RADIL: variants seen among roughly 807,000 people sequenced by gnomAD.
RADIL encodes ras-associating and dilute domain-containing protein.
In RADIL, 99 loss-of-function variants were observed where a neutral mutation model predicts 97.6. The ratio of observed to expected loss-of-function variants is 1.01; its 90% CI spans 0.86 to 1.20. The LOEUF is 1.20. Ranked by LOEUF, RADIL falls within the 50% of genes most tolerant of loss-of-function variation. The probability of loss-of-function intolerance (pLI) is 0.00; values close to 1 mark genes in which losing one functional copy is unlikely to be tolerated. For missense variants in RADIL, 1,765 were observed against 1,498.9 expected (o/e 1.18, Z -2.93); for synonymous variants, 803 against 691.8 (o/e 1.16, Z -2.52).
Position 4,842,379 on chromosome 7 carries a change from A to C in RADIL, c.536-5774T>G, listed in dbSNP as rs6958439. Among the ~76,000 whole-genome samples, 1 of 151,948 alleles carries C rather than the reference A, an allele frequency of 6.6e-6. No individual in the cohort carries two copies. Among genetic ancestry groups the C allele is most frequent in the African/African-American group, 2.4e-5 (1 of 41,396 alleles). On this transcript the variant is annotated intron_variant, in intron 2 of 14. Coordinates refer to ENST00000399583, the MANE Select transcript of RADIL (RefSeq NM_018059.5). The surrounding 1 kb of genome is among the most constrained non-coding windows in gnomAD (Gnocchi z 4.5). The stretch of plus-strand genomic sequence containing the variant: ...GCACATCCTCATCTCCAAGGTGAGA[A>C]ACTCACTCCTGGAGGAAGCGGCGAG...
At position 4,840,796 on chromosome 7, in the gene RADIL, G is replaced by A. The variant is rs1301375702; in HGVS notation, c.536-4191C>T. Among the ~76,000 whole-genome samples, 2 of 152,106 alleles carry A rather than the reference G, an allele frequency of 1.3e-5. No individual in the cohort carries two copies. The highest frequency in any genetic ancestry group is 2.9e-5 in the Non-Finnish European group (2 of 68,022). ...ATCCTGGCCAACATGGTGAAACCCCGTCTGTACTAAAAATACAAAACTTAG... is the reference window on the plus strand; with the variant it reads ...ATCCTGGCCAACATGGTGAAACCCCATCTGTACTAAAAATACAAAACTTAG... On this transcript the variant is annotated intron_variant, in intron 2 of 14. Transcript: ENST00000399583. This position sits in a 1 kb window ranked among gnomAD's most constrained non-coding sequence, Gnocchi z 5.6.
chr7:4,862,627 G>A (rs544245910), intron 2 of RADIL, among the ~76,000 whole-genome samples: 10 of 152,302 alleles, frequency 6.6e-5, no homozygotes, highest in Non-Finnish European at 1.3e-4. Context: ...CAGGCTGGGC[G>A]CAGTGGCTCA....
intron 2 of RADIL, among the ~76,000 whole-genome samples, chr7:4,869,799 C>T (rs562488299): frequency 6.6e-6 from 1 of 152,054 alleles, no homozygotes; most frequent in South Asian, 2.1e-4. Context: ...CTTGTTCAAA[C>T]CTATCATAGG....
chr7:4,815,480 T>C lies in RADIL; in HGVS notation c.1967-30A>G. 6.8e-7 allele frequency: 1 copy of C among 1,470,024 alleles called. No homozygotes were observed. The highest frequency in any genetic ancestry group is 9.0e-7 in the Non-Finnish European group (1 of 1,106,780). 91.1% of individuals were successfully genotyped at this position (1,470,024 alleles called of 1,614,324 possible). The stretch of plus-strand genomic sequence containing the variant: ...GGAGGGAAGAAGGGAGGGTGATGCC[T>C]GGGCTGCCCTCCTGGGGGGACACAG... On this transcript the variant is annotated intron_variant, in intron 8 of 14. Coordinates refer to ENST00000399583, the MANE Select transcript of RADIL (RefSeq NM_018059.5). The surrounding 1 kb of genome is among the most constrained non-coding windows in gnomAD (Gnocchi z 8.0).
chr7:4,820,758 C>A (rs1463243415), intron 6 of RADIL, among the ~76,000 whole-genome samples: 1 of 152,300 alleles, frequency 6.6e-6, no homozygotes, highest in Middle Eastern at 3.4e-3. Flanking sequence ...GTTCCACGCG[C>A]CCTCAGTCCA....
intron 2 of RADIL, among the ~76,000 whole-genome samples, chr7:4,870,708 T>C (rs1402335946): frequency 1.3e-5 from 2 of 152,220 alleles, no homozygotes; most frequent in Admixed American, 6.5e-5. Flanking sequence ...CCTCCCAAAG[T>C]GCTGGGATTA....
At chr7:4,869,537 CTT>C (rs11355907) in intron 2 of RADIL, among the ~76,000 whole-genome samples, 13,200 of 146,292 alleles carry the variant, frequency 0.09, 970 homozygotes, top group African/African-American at 0.2. Context: ...ACCCAATTTC[CTT>C]TTTTTTTTTT....
chr7:4,875,053 G>A lies in RADIL; in HGVS notation c.535+2552C>T, dbSNP rs1168871497. ...TAAAAATACAAAAAATTAGCCGGGC[G>A]TGGTGGCGGGCGCCTGTAGTCCCAG... On this transcript the variant is annotated intron_variant, in intron 2 of 14. Transcript: ENST00000399583. 6.1e-5 allele frequency among the ~76,000 whole-genome samples: 9 copies of A among 147,428 alleles called. 1 individual carries two copies. Among genetic ancestry groups the A allele is most frequent in the African/African-American group, 1.9e-4 (7 of 36,888 alleles).
At position 4,800,461 on chromosome 7, in the gene RADIL, C is replaced by T. The variant is rs1419123331; in HGVS notation, c.2843-151G>A. 6.8e-6 allele frequency: 6 copies of T among 887,018 alleles called. No homozygotes were observed. The Admixed American group carries it at 1.5e-4, about 22-fold the overall frequency. 54.9% of individuals were successfully genotyped at this position (887,018 alleles called of 1,614,324 possible). On this transcript the variant is annotated intron_variant, in intron 12 of 14. Coordinates refer to ENST00000399583, the MANE Select transcript of RADIL (RefSeq NM_018059.5). ...AGACGCTGTTCAGGCAGAATGTGACCGGCAACCCAGACATTAGGGTCGGGG... is the reference window on the plus strand; with the variant it reads ...AGACGCTGTTCAGGCAGAATGTGACTGGCAACCCAGACATTAGGGTCGGGG...
Position 4,822,658 on chromosome 7 carries a change from C to T in RADIL, c.1455-104G>A, listed in dbSNP as rs902131642. 95 of 1,282,376 alleles carry T rather than the reference C, an allele frequency of 7.4e-5. No individual in the cohort carries two copies. The highest frequency in any genetic ancestry group is 1.0e-4 in the Non-Finnish European group (93 of 931,150). The allele number at this position is 1,282,376 out of a possible 1,614,324, so 79.4% of individuals were successfully genotyped here. Reference sequence around the variant, plus strand: ...GATGCGCGTTTTCATGGGACGCTGACAACAACTGCAACCATCAACCTGACA... The same window carrying T: ...GATGCGCGTTTTCATGGGACGCTGATAACAACTGCAACCATCAACCTGACA... On this transcript the variant is annotated intron_variant, in intron 5 of 14. Transcript: ENST00000399583. This position sits in a 1 kb window ranked among gnomAD's most constrained non-coding sequence, Gnocchi z 5.3.
rs1018129299 is a variant in RADIL, at chr7:4,878,709, C to T, written c.-64-506G>A. ...CCATTACTGGGAAACACAATGAGGTCGCCTAAGTAAGACACGCTCCGCTGC... is the reference window on the plus strand; with the variant it reads ...CCATTACTGGGAAACACAATGAGGTTGCCTAAGTAAGACACGCTCCGCTGC... On this transcript the variant is annotated intron_variant, in intron 1 of 14. Coordinates refer to ENST00000399583, the MANE Select transcript of RADIL (RefSeq NM_018059.5). This position sits in a 1 kb window ranked among gnomAD's most constrained non-coding sequence, Gnocchi z 4.1. 1.3e-5 allele frequency among the ~76,000 whole-genome samples: 2 copies of T among 152,226 alleles called. No individual in the cohort carries two copies. The highest frequency in any genetic ancestry group is 2.9e-5 in the Non-Finnish European group (2 of 68,040).
intron 2 of RADIL, among the ~76,000 whole-genome samples, chr7:4,876,432 C>T (rs1220368286): frequency 6.6e-6 from 1 of 152,092 alleles, no homozygotes; most frequent in African/African-American, 2.4e-5. Flanking sequence ...TCCTGAGTAG[C>T]TGGGATTACA....
chr7:4,828,098 A>G (rs1197484600), intron 5 of RADIL, among the ~76,000 whole-genome samples: 1 of 152,230 alleles, frequency 6.6e-6, no homozygotes, highest in Non-Finnish European at 1.5e-5. Context: ...AAAGGACTGC[A>G]CGCTGTTGGT....
chr7:4,824,827 C>CG lies in RADIL; in HGVS notation c.1455-2274dup, dbSNP rs1348276291. 2.0e-5 allele frequency among the ~76,000 whole-genome samples: 3 copies of CG among 152,196 alleles called. No individual in the cohort carries two copies. Among genetic ancestry groups the CG allele is most frequent in the Non-Finnish European group, 4.4e-5 (3 of 68,038 alleles). On this transcript the variant is annotated intron_variant, in intron 5 of 14. Transcript: ENST00000399583. This position sits in a 1 kb window ranked among gnomAD's most constrained non-coding sequence, Gnocchi z 6.7. ...TTAAAGAAGGATTCGCTGGGCTCTT[C>CG]GGAGACTAATTCCATCTTGTTTTCA...
Position 4,872,817 on chromosome 7 carries a change from A to G in RADIL, c.535+4788T>C, listed in dbSNP as rs1347520878. 1.3e-5 allele frequency among the ~76,000 whole-genome samples: 2 copies of G among 151,952 alleles called. No homozygotes were observed. The highest frequency in any genetic ancestry group is 2.9e-5 in the Non-Finnish European group (2 of 67,968). On this transcript the variant is annotated intron_variant, in intron 2 of 14. Transcript: ENST00000399583. This position sits in a 1 kb window ranked among gnomAD's most constrained non-coding sequence, Gnocchi z 5.8. The stretch of plus-strand genomic sequence containing the variant: ...AACCGGCAGGAAGCGCCTGGCTGAC[A>G]CCTTCCCCACCAGACTCTGTAGGGG...
intron 9 of RADIL, among the ~76,000 whole-genome samples, chr7:4,808,059 TCCCTCCCTCC>T (rs1782399764): frequency 1.1e-5 from 1 of 88,640 alleles, no homozygotes; most frequent in African/African-American, 4.4e-5. Context: ...TCTCCTTCTC[TCCCTCCCTCC>T]CTCTGTCTCT....
chr7:4,877,557 C>G (rs762654887), intron 2 of RADIL, 48 bp downstream of exon 2: 2 of 1,541,238 alleles, frequency 1.3e-6, no homozygotes, highest in Non-Finnish European at 1.7e-6. Flanking sequence ...GGCTGGCCTT[C>G]TCAGCGCTCA....
chr7:4,802,554 AC>A, intron 11 of RADIL, among the ~76,000 whole-genome samples: 1 of 56,538 alleles, frequency 1.8e-5, no homozygotes. Context: ...TGCTGGCTGG[AC>A]CCCCTCCCCG....
chr7:4,812,816 C>T (rs1348110724), intron 9 of RADIL, among the ~76,000 whole-genome samples: 1 of 152,234 alleles, frequency 6.6e-6, no homozygotes, highest in Admixed American at 6.5e-5. Context: ...TCTCATCCGT[C>T]ATCTCCTCTG....
Sources: allele counts gnomAD v4.1 joint callset (sites outside exome capture counted in the v4.1 genomes callset), GRCh38; gene constraint gnomAD v4.1.1; non-coding constraint Gnocchi (gnomAD v3.1); transcripts MANE v1.5; gene names NCBI Gene and HGNC (gene_info 2026-07-23, HGNC 2026-07-21).